The following FAM107B variants were observed in gnomAD, a reference collection of about 807,000 sequenced individuals.
FAM107B encodes the protein protein FAM107B.
In FAM107B, 21 loss-of-function variants were observed where a neutral mutation model predicts 31.5. That is an observed-to-expected ratio of 0.67 (90% CI 0.47 to 0.96). The LOEUF (loss-of-function observed/expected upper bound fraction) is 0.96, where lower values mean the gene tolerates loss of function less well. Ranked by LOEUF, FAM107B falls within the 40% of genes least tolerant of loss-of-function variation. The pLI is 0.00. For synonymous variants in FAM107B, 157 were observed against 141.5 expected, an observed-to-expected ratio of 1.11 and a Z score of -0.78; for missense variants, 452 against 377.1, an observed-to-expected ratio of 1.20 and a Z score of -1.64.
At chr10:14,623,858 T>G (rs1328292214) in intron 2 of FAM107B, among the ~76,000 whole-genome samples, 1 of 152,150 alleles carries the variant, frequency 6.6e-6, no homozygotes, top group Admixed American at 6.5e-5. Flanking sequence ...ACTTGGGCTA[T>G]GTATCTTAAA....
intron 2 of FAM107B, among the ~76,000 whole-genome samples, chr10:14,647,260 G>A (rs893053429): frequency 1.3e-5 from 2 of 152,140 alleles, no homozygotes; most frequent in South Asian, 2.1e-4. Flanking sequence ...GAAGAATTCC[G>A]GGAGCTGTGA....
rs541042875 is a variant in FAM107B at position 14,581,115 on chromosome 10, T to A, written c.470-50600A>T. 3.9e-5 allele frequency among the ~76,000 whole-genome samples: 6 copies of A among 152,192 alleles called. No individual in the cohort carries two copies. In the East Asian group the frequency reaches 7.7e-4, roughly 20 times the overall value. On this transcript the variant is annotated intron_variant, in intron 2 of 4. Transcript: ENST00000181796. ...CCAGGGGAGGAGGAGGACAGGCAAT[T>A]TGCAAATGAGCACGCACATATCTGC...
chr10:14,739,021 T>G (rs1442774359), intron 1 of FAM107B, among the ~76,000 whole-genome samples: 3 of 152,210 alleles, frequency 2.0e-5, no homozygotes, highest in African/African-American at 7.2e-5. Context: ...CTCCTCCACA[T>G]ACCTGGAGCC....
At chr10:14,580,915 T>G (rs1231765270) in intron 2 of FAM107B, among the ~76,000 whole-genome samples, 1 of 152,176 alleles carries the variant, frequency 6.6e-6, no homozygotes, top group Non-Finnish European at 1.5e-5. Flanking sequence ...AGCACAGTGA[T>G]TAAAACCTCC....
intron 2 of FAM107B, among the ~76,000 whole-genome samples, chr10:14,588,300 G>T (rs577110717): frequency 6.6e-6 from 1 of 152,132 alleles, no homozygotes; most frequent in Non-Finnish European, 1.5e-5. Flanking sequence ...GCTGTAAGTA[G>T]GAAACAGGAA....
At chr10:14,562,352 G>A (rs529742260) in intron 2 of FAM107B, among the ~76,000 whole-genome samples, 1 of 152,338 alleles carries the variant, frequency 6.6e-6, no homozygotes, top group South Asian at 2.1e-4. Flanking sequence ...AACCCTGAGA[G>A]TCACTGACAC....
chr10:14,679,949 G>A (rs1854788098), intron 1 of FAM107B, among the ~76,000 whole-genome samples: 1 of 152,164 alleles, frequency 6.6e-6, no homozygotes, highest in African/African-American at 2.4e-5. Context: ...TCAGCTTTGG[G>A]ACTCGGACTG....
At chr10:14,654,145 G>T in intron 2 of FAM107B, among the ~76,000 whole-genome samples, 1 of 151,234 alleles carries the variant, frequency 6.6e-6, no homozygotes, top group Middle Eastern at 3.4e-3. Flanking sequence ...TGCAGGCCTG[G>T]TTTGGCTAGT....
At chr10:14,585,010 T>A (rs1851778276) in intron 2 of FAM107B, among the ~76,000 whole-genome samples, 1 of 152,142 alleles carries the variant, frequency 6.6e-6, no homozygotes, top group Admixed American at 6.5e-5. Context: ...TCTTGCTGAT[T>A]CAAATAACCA....
intron 1 of FAM107B, among the ~76,000 whole-genome samples, chr10:14,724,341 A>C (rs1220422077): frequency 2.0e-5 from 3 of 152,232 alleles, no homozygotes; most frequent in Admixed American, 2.0e-4. Flanking sequence ...TTGTCCCAAC[A>C]CTATTTGTTG....
intron 1 of FAM107B, among the ~76,000 whole-genome samples, chr10:14,757,789 T>C (rs994624553): frequency 6.6e-6 from 1 of 152,128 alleles, no homozygotes; most frequent in African/African-American, 2.4e-5. Flanking sequence ...GAAAACAAGA[T>C]CTCCCGTTGA....
chr10:14,733,624 G>T (rs1385059028), intron 1 of FAM107B, among the ~76,000 whole-genome samples: 1 of 152,122 alleles, frequency 6.6e-6, no homozygotes, highest in Non-Finnish European at 1.5e-5. Context: ...ATAATGATAA[G>T]GTAAACTGTG....
chr10:14,573,936 A>G (rs1241229753), intron 2 of FAM107B, among the ~76,000 whole-genome samples: 2 of 93,728 alleles, frequency 2.1e-5, no homozygotes, highest in African/African-American at 7.0e-5. Context: ...AAACCACCCT[A>G]GGGCCCAGGA....
chr10:14,590,780 G>A (rs1043977808), intron 2 of FAM107B, among the ~76,000 whole-genome samples: 4 of 150,724 alleles, frequency 2.7e-5, no homozygotes, highest in African/African-American at 7.3e-5. Context: ...TCAGAAATTC[G>A]AGACCAGCCT....
intron 2 of FAM107B, among the ~76,000 whole-genome samples, chr10:14,580,026 A>C (rs1434281541): frequency 6.6e-6 from 1 of 152,002 alleles, no homozygotes; most frequent in Non-Finnish European, 1.5e-5. Context: ...TTTCAAAAAA[A>C]AAAAAAAAGT....
chr10:14,632,810 G>C (rs1345332273), intron 2 of FAM107B, among the ~76,000 whole-genome samples: 1 of 152,098 alleles, frequency 6.6e-6, no homozygotes, highest in East Asian at 1.9e-4. Flanking sequence ...GCAGACTACA[G>C]AGACAGGGGG....
intron 2 of FAM107B, among the ~76,000 whole-genome samples, chr10:14,592,088 G>A (rs191385866): frequency 2.0e-5 from 3 of 152,306 alleles, no homozygotes; most frequent in Admixed American, 1.3e-4. Context: ...ATCAATGCTG[G>A]GGAGGTGGGA....
At chr10:14,580,359 C>CG (rs535517285) in intron 2 of FAM107B, among the ~76,000 whole-genome samples, 27 of 148,740 alleles carry the variant, frequency 1.8e-4, no homozygotes, top group Non-Finnish European at 3.7e-4. Flanking sequence ...GACTCCGTGC[C>CG]AAAAAAAAAA....
At chr10:14,556,321 G>A (rs1204212953) in intron 2 of FAM107B, 4 of 979,564 alleles carry the variant, frequency 4.1e-6, no homozygotes, top group Admixed American at 6.2e-5. Context: ...GTCATCAATG[G>A]TGACTCCTCC....
Sources: gnomAD v4.1 joint callset for allele counts (sites outside exome capture counted in the v4.1 genomes callset) on GRCh38, gnomAD v4.1.1 for gene constraint, MANE v1.5 for transcripts, NCBI Gene and HGNC (gene_info 2026-07-23, HGNC 2026-07-21) for gene names.